The following MYF5 variants were observed in gnomAD, a reference collection of about 807,000 sequenced individuals.
The protein encoded by MYF5 is myogenic factor 5.
MYF5 carries 20 observed loss-of-function variants against 22.3 expected under a neutral mutation model. That is an observed-to-expected ratio of 0.90 (90% CI 0.63 to 1.30). The LOEUF is 1.30. MYF5 is among the 50% of genes most tolerant of loss of function. The pLI, the probability that MYF5 is intolerant of heterozygous loss-of-function variation, is 0.00. For missense variants in MYF5, 348 were observed against 325.9 expected, an observed-to-expected ratio of 1.07 and a Z score of -0.52; for synonymous variants, 141 against 128.4, an observed-to-expected ratio of 1.10 and a Z score of -0.66.
Position 80,717,192 on chromosome 12 carries a change from A to G in MYF5, c.129A>G (p.Lys43=). The change falls in exon 1 of 3, where the codon AAA becomes AAG. Residue 43 remains lysine (K), a synonymous_variant. Coordinates refer to ENST00000228644, the MANE Select transcript of MYF5 (RefSeq NM_005593.3). ...GAGTGGCTGCCTTCGGAGCGCACAAAGCAGAGCTGCAGGGCTCAGATGAGG... is the reference window on the plus strand; with the variant it reads ...GAGTGGCTGCCTTCGGAGCGCACAAGGCAGAGCTGCAGGGCTCAGATGAGG... The part of the protein sequence containing the change: ...VPRVAAFGAH[K]AELQGSDEDE... 1 of 1,614,066 alleles carries G rather than the reference A, an allele frequency of 6.2e-7. No homozygotes were observed. Among genetic ancestry groups the G allele is most frequent in the Non-Finnish European group, 8.5e-7 (1 of 1,179,998 alleles).
rs146814795 is a variant in MYF5 at position 80,718,415 on chromosome 12, T to C, written c.559T>C (p.Cys187Arg). Residue 187 changes from cysteine to arginine, a missense_variant, in exon 2 of 3, where the codon TGT (cysteine) becomes CGT (arginine). Cys to Arg is a radical substitution (Grantham distance 180). Transcript: ENST00000228644. ...GAGCAGTACTTTTGACAGCATCTACTGTCCTGATGTATCAAATGGTAAGAA... is the reference window on the plus strand; with the variant it reads ...GAGCAGTACTTTTGACAGCATCTACCGTCCTGATGTATCAAATGGTAAGAA... ...RKSSTFDSIY[C>R]PDVSNVYATD... 28 of 1,613,194 alleles carry C rather than the reference T, an allele frequency of 1.7e-5. No individual in the cohort carries two copies. The African/African-American group carries it at 3.6e-4, about 21-fold the overall frequency.
intron 1 of MYF5, among the ~76,000 whole-genome samples, chr12:80,718,133 T>C (rs1442381140): frequency 6.6e-6 from 1 of 152,188 alleles, no homozygotes; most frequent in Non-Finnish European, 1.5e-5. Context: ...GCTGCTGAAT[T>C]CCACCCCCTC....
rs377196551 is a variant in MYF5 at position 80,717,029 on chromosome 12, C to T, written c.-35C>T. 27 of 1,564,894 alleles carry T rather than the reference C, an allele frequency of 1.7e-5. No homozygotes were observed. In the African/African-American group the frequency reaches 3.1e-4, roughly 18 times the overall value. ...CTCCCGTTTCTCCCCATCCCTCTCGCTGCCGTCCAGGTGCACCGCCTGCCT... is the reference window on the plus strand; with the variant it reads ...CTCCCGTTTCTCCCCATCCCTCTCGTTGCCGTCCAGGTGCACCGCCTGCCT... On this transcript the variant is annotated 5_prime_UTR_variant, in exon 1 of 3. Transcript: ENST00000228644.
rs1230854256 is a variant in MYF5, at chr12:80,718,984, C to A, written c.701C>A (p.Ala234Asp). Residue 234 changes from alanine (A) to aspartate (D), a missense_variant, in exon 3 of 3, where the codon GCC becomes GAC. Coordinates refer to ENST00000228644, the MANE Select transcript of MYF5 (RefSeq NM_005593.3). Reference sequence around the variant, plus strand: ...GATCTGGCTTCTCTCTCTCCAGTTGCCAGCACCGATTCACAGCCTGCAACT... The same window carrying A: ...GATCTGGCTTCTCTCTCTCCAGTTGACAGCACCGATTCACAGCCTGCAACT... ...LQDLASLSPV[A>D]STDSQPATPG... The A allele has an allele frequency of 6.2e-7, 1 of 1,614,002 alleles. No individual in the cohort carries two copies. Among genetic ancestry groups the A allele is most frequent in the Non-Finnish European group, 8.5e-7 (1 of 1,180,030 alleles).
In MYF5 at chr12:80,717,260, A is replaced by G; in HGVS notation, c.197A>G (p.His66Arg). Residue 66 changes from histidine to arginine, a missense_variant, in exon 1 of 3, where the codon CAC becomes CGC. By Grantham distance (29) the His-to-Arg change is conservative (BLOSUM62 0). Transcript: ENST00000228644. ...RAPTGHHQAG[H>R]CLMWACKACK... ...CCTACCGGCCACCACCAGGCTGGTC[A>G]CTGCCTCATGTGGGCCTGCAAAGCC... 1 of 1,614,096 alleles carries G rather than the reference A, an allele frequency of 6.2e-7. No individual in the cohort carries two copies.
chr12:80,718,394 A>C lies in MYF5; in HGVS notation c.538A>C (p.Ser180Arg), dbSNP rs1183020412. 2.5e-6 allele frequency: 4 copies of C among 1,614,108 alleles called. No homozygotes were observed. Among genetic ancestry groups the C allele is most frequent in the Non-Finnish European group, 2.5e-6 (3 of 1,179,948 alleles). The change falls in exon 2 of 3, where the codon AGT becomes CGT. Residue 180 changes from serine to arginine, a missense_variant. Transcript: ENST00000228644. ...CNSPVWSRKS[S>R]TFDSIYCPDV... ...CAGTCCTGTCTGGTCCAGAAAGAGCAGTACTTTTGACAGCATCTACTGTCC... is the reference window on the plus strand; with the variant it reads ...CAGTCCTGTCTGGTCCAGAAAGAGCCGTACTTTTGACAGCATCTACTGTCC...
chr12:80,718,905 T>A lies in MYF5; in HGVS notation c.622T>A (p.Ser208Thr). The part of the protein sequence containing the change: ...KNSLSSLDCL[S>T]NIVDRITSSE... Reference sequence around the variant, plus strand: ...CTCCTTATCCAGCTTGGATTGCTTATCCAACATAGTGGACCGGATCACCTC... The same window carrying A: ...CTCCTTATCCAGCTTGGATTGCTTAACCAACATAGTGGACCGGATCACCTC... Residue 208 changes from serine (S) to threonine (T), a missense_variant, in exon 3 of 3, where the codon TCC becomes ACC. Coordinates refer to ENST00000228644, the MANE Select transcript of MYF5 (RefSeq NM_005593.3). 1 of 1,614,156 alleles carries A rather than the reference T, an allele frequency of 6.2e-7. No individual in the cohort carries two copies. Among genetic ancestry groups the A allele is most frequent in the Non-Finnish European group, 8.5e-7 (1 of 1,180,006 alleles).
rs73355191 is a variant in MYF5 at position 80,718,667 on chromosome 12, G to A, written c.578-194G>A. Among the ~76,000 whole-genome samples the A allele has an allele frequency of 7.3e-3, 1,106 of 152,146 alleles. 13 individuals are homozygous for A. Among genetic ancestry groups the A allele is most frequent in the African/African-American group, 0.025 (1,028 of 41,512 alleles). On this transcript the variant is annotated intron_variant, in intron 2 of 2. Transcript: ENST00000228644. ...CACAATGTTGCTTGAAATATTATCA[G>A]GGGGCTTCCCCACTCCCCACGTCTA...
chr12:80,719,570 G>A lies in MYF5; in HGVS notation c.*519G>A, dbSNP rs1377449963. The A allele has an allele frequency of 1.4e-4, 21 of 151,952 alleles. No individual in the cohort carries two copies. Among genetic ancestry groups the A allele is most frequent in the Admixed American group, 1.3e-3 (20 of 15,252 alleles). 9.4% of individuals were successfully genotyped at this position (151,952 alleles called of 1,614,324 possible). On this transcript the variant is annotated 3_prime_UTR_variant, in exon 3 of 3. Coordinates refer to ENST00000228644, the MANE Select transcript of MYF5 (RefSeq NM_005593.3). ...ATTTTGATCTTTTCTTGTAAGAAAT[G>A]TATCTTTTAAATGTAAGCACAAAAT...
Position 80,719,073 on chromosome 12 carries a change from A to G in MYF5, c.*22A>G. On this transcript the variant is annotated 3_prime_UTR_variant, in exon 3 of 3. Coordinates refer to ENST00000228644, the MANE Select transcript of MYF5 (RefSeq NM_005593.3). ...ATGAACTAATTTTCTGGTCTATATGACTTCTTCCAGGAGGGCCTAATACAC... is the reference window on the plus strand; with the variant it reads ...ATGAACTAATTTTCTGGTCTATATGGCTTCTTCCAGGAGGGCCTAATACAC... The G allele has an allele frequency of 6.2e-7, 1 of 1,605,924 alleles. No homozygotes were observed. The highest frequency in any genetic ancestry group is 8.5e-7 in the Non-Finnish European group (1 of 1,174,802).
chr12:80,717,741 G>A (rs1431890324), intron 1 of MYF5, among the ~76,000 whole-genome samples, 177 bp downstream of exon 1: 1 of 152,304 alleles, frequency 6.6e-6, no homozygotes, highest in Non-Finnish European at 1.5e-5. Context: ...CAAGATTTTA[G>A]TTTAACTTTC....
At chr12:80,718,140 C>G (rs540795953) in intron 1 of MYF5, among the ~76,000 whole-genome samples, 108 of 152,268 alleles carry the variant, frequency 7.1e-4, no homozygotes, top group South Asian at 1.4e-3. Flanking sequence ...AATTCCACCC[C>G]CTCTTCCCTT....
chr12:80,717,234 G>GC lies in MYF5; in HGVS notation c.173dup (p.Thr59TyrfsTer89), dbSNP rs1380267457. On this transcript the variant is annotated frameshift_variant, in exon 1 of 3. Transcript: ENST00000228644. LOFTEE classifies it high-confidence loss of function. The stretch of plus-strand genomic sequence containing the variant: ...CAGATGAGGACGAGCACGTGCGAGC[G>GC]CCTACCGGCCACCACCAGGCTGGTC... 1 of 1,614,032 alleles carries GC rather than the reference G, an allele frequency of 6.2e-7. No individual in the cohort carries two copies. The highest frequency in any genetic ancestry group is 8.5e-7 in the Non-Finnish European group (1 of 1,180,030).
rs1483421155 is a variant in MYF5, at chr12:80,717,262, T to C, written c.199T>C (p.Cys67Arg). 1.9e-6 allele frequency: 3 copies of C among 1,614,068 alleles called. No individual in the cohort carries two copies. The highest frequency in any genetic ancestry group is 2.5e-6 in the Non-Finnish European group (3 of 1,180,014). Residue 67 changes from cysteine to arginine, a missense_variant, in exon 1 of 3, where the codon TGC becomes CGC. By Grantham distance (180) the Cys-to-Arg change is radical. Transcript: ENST00000228644. Reference protein sequence around the residue: ...APTGHHQAGHCLMWACKACKR... With the variant: ...APTGHHQAGHRLMWACKACKR... ...TACCGGCCACCACCAGGCTGGTCAC[T>C]GCCTCATGTGGGCCTGCAAAGCCTG... is the stretch of plus-strand genomic sequence containing the variant.
chr12:80,717,278 G>A lies in MYF5; in HGVS notation c.215G>A (p.Cys72Tyr), dbSNP rs1189347405. 1 of 1,614,050 alleles carries A rather than the reference G, an allele frequency of 6.2e-7. No homozygotes were observed. Among genetic ancestry groups the A allele is most frequent in the Middle Eastern group, 1.6e-4 (1 of 6,062 alleles). ...GCTGGTCACTGCCTCATGTGGGCCT[G>A]CAAAGCCTGCAAGAGGAAGTCCACC... Reference protein sequence around the residue: ...HQAGHCLMWACKACKRKSTTM... With the variant: ...HQAGHCLMWAYKACKRKSTTM... The change falls in exon 1 of 3, where the codon TGC (cysteine) becomes TAC (tyrosine). Residue 72 changes from cysteine (C) to tyrosine (Y), a missense_variant. Transcript: ENST00000228644.
rs1209674725 is a variant in MYF5, at chr12:80,719,517, T to G, written c.*466T>G. On this transcript the variant is annotated 3_prime_UTR_variant, in exon 3 of 3. Coordinates refer to ENST00000228644, the MANE Select transcript of MYF5 (RefSeq NM_005593.3). ...AATCCTTTAGTTATATTGTATTAAATAAAAATATAATACTGCCTAATGTAT... is the reference window on the plus strand; with the variant it reads ...AATCCTTTAGTTATATTGTATTAAAGAAAAATATAATACTGCCTAATGTAT... 6.6e-6 allele frequency: 1 copy of G among 152,014 alleles called. No homozygotes were observed. The highest frequency in any genetic ancestry group is 1.5e-5 in the Non-Finnish European group (1 of 67,974). The allele number at this position is 152,014 out of a possible 1,614,324, so 9.4% of individuals were successfully genotyped here.
At chr12:80,718,140 C>T (rs540795953) in intron 1 of MYF5, among the ~76,000 whole-genome samples, 11 of 152,150 alleles carry the variant, frequency 7.2e-5, no homozygotes, top group Non-Finnish European at 1.5e-4. Flanking sequence ...AATTCCACCC[C>T]CTCTTCCCTT....
Position 80,718,994 on chromosome 12 carries a change from T to C in MYF5, c.711T>C (p.Asp237=), listed in dbSNP as rs1868681483. ...CTCTCTCTCCAGTTGCCAGCACCGA[T>C]TCACAGCCTGCAACTCCAGGGGCTT... ...LASLSPVAST[D]SQPATPGASS... is the part of the protein sequence containing the mutation. The change falls in exon 3 of 3, where the codon GAT becomes GAC. Residue 237 remains aspartate, a synonymous_variant. Transcript: ENST00000228644. 1.2e-6 allele frequency: 2 copies of C among 1,614,114 alleles called. No individual in the cohort carries two copies. The highest frequency in any genetic ancestry group is 8.5e-7 in the Non-Finnish European group (1 of 1,180,034).
Position 80,717,017 on chromosome 12 carries a change from C to A in MYF5, c.-47C>A. On this transcript the variant is annotated 5_prime_UTR_variant, in exon 1 of 3. Transcript: ENST00000228644. ...GGAGGCGCCAGGCTCCCGTTTCTCCCCATCCCTCTCGCTGCCGTCCAGGTG... is the reference window on the plus strand; with the variant it reads ...GGAGGCGCCAGGCTCCCGTTTCTCCACATCCCTCTCGCTGCCGTCCAGGTG... The A allele has an allele frequency of 6.4e-7, 1 of 1,555,746 alleles. No individual in the cohort carries two copies. The highest frequency in any genetic ancestry group is 1.2e-5 in the South Asian group (1 of 84,694).
Sources: gnomAD v4.1 joint callset for allele counts (sites outside exome capture counted in the v4.1 genomes callset) on GRCh38, gnomAD v4.1.1 for gene constraint, MANE v1.5 for transcripts, NCBI Gene and HGNC (gene_info 2026-07-23, HGNC 2026-07-21) for gene names.